The following ERC2 variants were observed in gnomAD, a reference collection of about 807,000 sequenced individuals.
ERC2 encodes the protein ELKS/RAB6-interacting/CAST family member 2, also known as ERC protein 2.
ERC2 carries 42 observed loss-of-function variants against 114.8 expected under a neutral mutation model. That is an observed-to-expected ratio of 0.37 (90% CI 0.29 to 0.47). ERC2 has a LOEUF of 0.47. Ranked by LOEUF, ERC2 falls within the 20% of genes least tolerant of loss-of-function variation. The pLI is 0.99. For missense variants in ERC2, 939 were observed against 1,150.7 expected, an observed-to-expected ratio of 0.82 and a Z score of 2.66; for synonymous variants, 454 against 425.5, an observed-to-expected ratio of 1.07 and a Z score of -0.82.
rs183495589 is a variant in ERC2 at position 55,688,997 on chromosome 3, C to A, written c.2848-5138G>T. On this transcript the variant is annotated intron_variant, in intron 16 of 17. Transcript: ENST00000288221. The stretch of plus-strand genomic sequence containing the variant: ...TTCTTCTACACCCCAGTGGTGAAAG[C>A]GAAACTTCATTGGCTGAGGGGGATC... Among the ~76,000 whole-genome samples, 81 of 152,186 alleles carry A rather than the reference C, an allele frequency of 5.3e-4. No individual in the cohort carries two copies. In the East Asian group the frequency reaches 0.015, roughly 28 times the overall value.
chr3:55,573,669 GC>G (rs2056836127), intron 17 of ERC2, among the ~76,000 whole-genome samples: 1 of 151,938 alleles, frequency 6.6e-6, no homozygotes, highest in Non-Finnish European at 1.5e-5. Context: ...TCCTCTGCTT[GC>G]CAGAGTCAGC....
chr3:55,666,779 A>T (rs1341369034), intron 17 of ERC2, among the ~76,000 whole-genome samples: 1 of 152,162 alleles, frequency 6.6e-6, no homozygotes, highest in African/African-American at 2.4e-5. Context: ...AAATCCTGGC[A>T]TAGAGCGTGT....
chr3:55,620,692 C>G (rs1264359214), intron 17 of ERC2, among the ~76,000 whole-genome samples: 1 of 152,154 alleles, frequency 6.6e-6, no homozygotes, highest in East Asian at 1.9e-4. Flanking sequence ...CTTTTACCGA[C>G]TCTGAAACAC....
At chr3:56,211,687 C>T (rs1474691939) in intron 3 of ERC2, among the ~76,000 whole-genome samples, 1 of 152,148 alleles carries the variant, frequency 6.6e-6, no homozygotes, top group African/African-American at 2.4e-5. Flanking sequence ...ATTACATTAC[C>T]TGACCTTCAA....
intron 17 of ERC2, among the ~76,000 whole-genome samples, chr3:55,515,394 G>GTC (rs1316974147): frequency 2.6e-5 from 4 of 151,930 alleles, no homozygotes; most frequent in Non-Finnish European, 4.4e-5. Context: ...TTGAGATGGA[G>GTC]TCTCTCTCTG....
intron 9 of ERC2, among the ~76,000 whole-genome samples, chr3:56,009,063 T>A (rs1325080566): frequency 6.6e-6 from 1 of 152,228 alleles, no homozygotes; most frequent in Admixed American, 6.5e-5. Flanking sequence ...TACCAAAATG[T>A]CTATCTGAAA....
At chr3:56,434,123 T>C in intron 2 of ERC2, 1 of 419,512 alleles carries the variant, frequency 2.4e-6, no homozygotes, top group Non-Finnish European at 4.4e-6. Flanking sequence ...CCCACCCCTC[T>C]CCCCATCTGC....
intron 14 of ERC2, among the ~76,000 whole-genome samples, chr3:55,756,317 C>T (rs2067056291): frequency 6.6e-6 from 1 of 152,026 alleles, no homozygotes; most frequent in East Asian, 1.9e-4. Context: ...ACTGGGGGTA[C>T]CAGGAAACTT....
Position 56,080,957 on chromosome 3 carries a change from C to T in ERC2, c.1501G>A (p.Glu501Lys), listed in dbSNP as rs1180858560. The T allele has an allele frequency of 6.2e-7, 1 of 1,612,896 alleles. No individual in the cohort carries two copies. The highest frequency in any genetic ancestry group is 8.5e-7 in the Non-Finnish European group (1 of 1,179,496). The change falls in exon 7 of 18, where the codon GAA becomes AAA. Residue 501 changes from glutamate (E) to lysine (K), a missense_variant. This residue lies in a region of ERC2 where 149 missense variants were observed against 254.6 expected (regional missense o/e 0.59). Coordinates refer to ENST00000288221, the MANE Select transcript of ERC2 (RefSeq NM_015576.3). Reference sequence around the variant, plus strand: ...TTTTTATTGAGGAAAGATTCTTTTTCTTCCAGTCGTAATCTCAGCGCATCT... The same window carrying T: ...TTTTTATTGAGGAAAGATTCTTTTTTTTCCAGTCGTAATCTCAGCGCATCT... ...EVDALRLRLE[E>K]KESFLNKKTK... is the part of the protein sequence containing the mutation.
intron 13 of ERC2, among the ~76,000 whole-genome samples, chr3:55,913,230 G>A (rs1302237802): frequency 6.6e-6 from 1 of 152,028 alleles, no homozygotes; most frequent in Non-Finnish European, 1.5e-5. Context: ...TAACATGGAT[G>A]TTTTCTCTAT....
Position 55,720,109 on chromosome 3 carries a change from C to CCA in ERC2, c.2712+14661_2712+14662insTG, listed in dbSNP as rs1297228137. On this transcript the variant is annotated intron_variant, in intron 15 of 17. Transcript: ENST00000288221. ...TTCCCCTCCCCCTCCCATCCCCCTC[C>CCA]TCCTCCTCCTCCTTCTTCTTCCTCT... 2.2e-3 allele frequency among the ~76,000 whole-genome samples: 114 copies of CCA among 52,304 alleles called. 54 individuals are homozygous for CCA. The highest frequency in any genetic ancestry group is 3.9e-3 in the East Asian group (6 of 1,556). 34.3% of individuals were successfully genotyped at this position (52,304 alleles called of 152,430 possible).
chr3:55,789,366 C>A (rs1372722161), intron 14 of ERC2, among the ~76,000 whole-genome samples: 1 of 152,168 alleles, frequency 6.6e-6, no homozygotes, highest in East Asian at 1.9e-4. Flanking sequence ...GTATCAACAC[C>A]ATCAGCCTTG....
At chr3:55,594,714 C>T (rs1049989379) in intron 17 of ERC2, among the ~76,000 whole-genome samples, 8 of 152,122 alleles carry the variant, frequency 5.3e-5, no homozygotes, top group African/African-American at 1.7e-4. Flanking sequence ...AAACTCCTTA[C>T]CTCAGGCGTT....
chr3:56,336,869 T>C (rs2057876154), intron 2 of ERC2, among the ~76,000 whole-genome samples: 2 of 152,296 alleles, frequency 1.3e-5, no homozygotes, highest in African/African-American at 2.4e-5. Flanking sequence ...AAGACATTAT[T>C]TCTCTACACA....
intron 3 of ERC2, among the ~76,000 whole-genome samples, chr3:56,276,387 A>T (rs1453835598): frequency 6.7e-6 from 1 of 149,862 alleles, no homozygotes. Flanking sequence ...AGCTCCTGAA[A>T]CCTACTATCA....
chr3:56,306,187 G>A (rs755957071), intron 2 of ERC2, among the ~76,000 whole-genome samples: 1 of 151,976 alleles, frequency 6.6e-6, no homozygotes, highest in African/African-American at 2.4e-5. Flanking sequence ...GTACAATTGC[G>A]AGTCAAGCAG....
intron 3 of ERC2, among the ~76,000 whole-genome samples, chr3:56,203,930 C>T (rs200154598): frequency 6.6e-6 from 1 of 152,184 alleles, no homozygotes; most frequent in African/African-American, 2.4e-5. Flanking sequence ...GCCTGTAATC[C>T]CAGCACTTTG....
At chr3:56,435,921 C>G (rs1404255901) in intron 1 of ERC2, among the ~76,000 whole-genome samples, 2 of 152,158 alleles carry the variant, frequency 1.3e-5, no homozygotes, top group African/African-American at 2.4e-5. Context: ...GAATTATTTC[C>G]CATTTTGGTT....
chr3:55,548,747 G>T (rs370348825), intron 17 of ERC2, among the ~76,000 whole-genome samples: 7 of 152,120 alleles, frequency 4.6e-5, no homozygotes, highest in African/African-American at 1.7e-4. Flanking sequence ...CTTAGATGAG[G>T]GGTCCCAAAT....
Sources: gnomAD v4.1 joint callset for allele counts (sites outside exome capture counted in the v4.1 genomes callset) on GRCh38, gnomAD v4.1.1 for gene constraint, gnomAD v4.1.1 regional missense constraint, MANE v1.5 for transcripts, NCBI Gene and HGNC (gene_info 2026-07-23, HGNC 2026-07-21) for gene names.